The following REPS2 variants were observed in gnomAD, a reference collection of about 807,000 sequenced individuals.
The protein encoded by REPS2 is ralBP1-associated Eps domain-containing protein 2.
REPS2 carries 23 observed loss-of-function variants against 53.6 expected under a neutral mutation model. That is an observed-to-expected ratio of 0.43 (90% CI 0.31 to 0.61). REPS2 has a LOEUF of 0.61. Ranked by LOEUF, REPS2 falls within the 20% of genes least tolerant of loss-of-function variation. The probability of loss-of-function intolerance (pLI) is 0.11; values close to 1 mark genes in which losing one functional copy is unlikely to be tolerated. For missense variants in REPS2, 446 were observed against 534.9 expected (o/e 0.83, Z 1.64); for synonymous variants, 238 against 218.6 (o/e 1.09, Z -0.78).
At chrX:17,035,268 T>A (rs1453578919) in intron 5 of REPS2, among the ~76,000 whole-genome samples, 1 of 107,253 alleles carries the variant, frequency 9.3e-6, no homozygotes, top group African/African-American at 3.4e-5. Context: ...GAGATCTTCT[T>A]GTGGCATGAA....
At chrX:17,193,407 G>A in the REPS2 span, among the ~76,000 whole-genome samples, 2 of 111,596 alleles carry the variant, frequency 1.8e-5, no homozygotes, top group Non-Finnish European at 3.8e-5. Context: ...GATGTGGAAT[G>A]GGAGTGGCAA....
At chrX:17,097,647 T>A (rs921140803) in intron 13 of REPS2, among the ~76,000 whole-genome samples, 1 of 111,901 alleles carries the variant, frequency 8.9e-6, no homozygotes, top group African/African-American at 3.2e-5. Context: ...AAAAGTTGGT[T>A]TTTTGAAAAG....
At chrX:17,033,081 G>C (rs1241478971) in intron 5 of REPS2, among the ~76,000 whole-genome samples, 1 of 112,092 alleles carries the variant, frequency 8.9e-6, no homozygotes, top group Non-Finnish European at 1.9e-5. Context: ...AATTTTGCTG[G>C]CAAAAGATTT....
chrX:17,168,790 C>T, the REPS2 span, among the ~76,000 whole-genome samples: 38,783 of 110,822 alleles, frequency 0.35, 5,929 homozygotes, highest in East Asian at 0.57. Context: ...GTTAGAGGCA[C>T]GTTGTAGAGA....
chrX:17,059,901 CT>C (rs1167807053), intron 8 of REPS2, among the ~76,000 whole-genome samples: 1 of 112,419 alleles, frequency 8.9e-6, no homozygotes, highest in Non-Finnish European at 1.9e-5. Context: ...ACCCGCTAGC[CT>C]TTTGATAGTT....
At chrX:17,011,468 T>G (rs147859763) in intron 2 of REPS2, among the ~76,000 whole-genome samples, 22 of 111,968 alleles carry the variant, frequency 2.0e-4, no homozygotes, top group African/African-American at 7.1e-4. Flanking sequence ...GTAGGGTTTC[T>G]CATCATTTTT....
chrX:17,023,758 C>T (rs941056414), intron 3 of REPS2, among the ~76,000 whole-genome samples: 3 of 111,684 alleles, frequency 2.7e-5, no homozygotes, highest in African/African-American at 6.5e-5. Flanking sequence ...CACTGTCCCA[C>T]GGTGGTTGAT....
intron 5 of REPS2, among the ~76,000 whole-genome samples, chrX:17,034,934 A>G (rs1214438167): frequency 9.0e-6 from 1 of 111,087 alleles, no homozygotes; most frequent in Non-Finnish European, 1.9e-5. Flanking sequence ...CTCGAAGTGC[A>G]TAACTTGAAA....
chrX:17,180,803 T>C, the REPS2 span, among the ~76,000 whole-genome samples: 1 of 111,704 alleles, frequency 9.0e-6, no homozygotes, highest in African/African-American at 3.3e-5. Context: ...GATTCATTAA[T>C]CCTTGACTGT....
intron 14 of REPS2, among the ~76,000 whole-genome samples, chrX:17,121,187 G>A (rs1452769766): frequency 8.9e-6 from 1 of 112,197 alleles, no homozygotes; most frequent in Non-Finnish European, 1.9e-5. Flanking sequence ...CCTTGAAGGA[G>A]AGGAAGAAGA....
intron 1 of REPS2, among the ~76,000 whole-genome samples, chrX:16,974,542 G>C (rs1254367620): frequency 1.8e-5 from 2 of 110,490 alleles, no homozygotes; most frequent in African/African-American, 6.6e-5. Flanking sequence ...CTACTCAGGA[G>C]GCTGAGGCAA....
chrX:17,170,048 A>G, the REPS2 span, among the ~76,000 whole-genome samples: 2 of 112,893 alleles, frequency 1.8e-5, no homozygotes, highest in African/African-American at 6.4e-5. Flanking sequence ...AACAGAGTGG[A>G]CTTTGCATGA....
chrX:17,180,267 A>G, the REPS2 span, among the ~76,000 whole-genome samples: 1 of 111,143 alleles, frequency 9.0e-6, no homozygotes, highest in Admixed American at 9.6e-5. Context: ...AAGTGCAGGA[A>G]AGGAAAAGAA....
the REPS2 span, among the ~76,000 whole-genome samples, chrX:17,187,023 T>C: frequency 9.0e-6 from 1 of 111,668 alleles, no homozygotes. Context: ...TCTCAGACTT[T>C]ACCACTATAC....
At chrX:17,192,180 G>C in the REPS2 span, among the ~76,000 whole-genome samples, 1 of 112,276 alleles carries the variant, frequency 8.9e-6, no homozygotes, top group Admixed American at 9.4e-5. Flanking sequence ...GCCCCCGACC[G>C]CCGATGTGTG....
intron 14 of REPS2, among the ~76,000 whole-genome samples, chrX:17,108,894 A>G (rs1016301528): frequency 3.7e-5 from 4 of 109,347 alleles, no homozygotes; most frequent in African/African-American, 1.3e-4. Context: ...GACCAATGAA[A>G]TTAGTTTTAA....
intron 13 of REPS2, among the ~76,000 whole-genome samples, chrX:17,093,198 AT>A (rs1569172056): frequency 0.014 from 187 of 12,948 alleles, 1 homozygote; most frequent in East Asian, 0.056. Context: ...ATATATATAT[AT>A]AATTTTTTTT....
Position 17,149,972 on chromosome X carries a change from A to G in REPS2, c.*2491A>G, listed in dbSNP as rs2063553892. On this transcript the variant is annotated 3_prime_UTR_variant, in exon 18 of 18. Coordinates refer to ENST00000357277, the MANE Select transcript of REPS2 (RefSeq NM_004726.3). ...AATATTTTAAGATAGGCGAGCACAC[A>G]CTAATAATATCTATGCCTACCTTCT... is the stretch of plus-strand genomic sequence containing the variant. 1.8e-5 allele frequency: 2 copies of G among 111,729 alleles called. No individual in the cohort carries two copies. Among genetic ancestry groups the G allele is most frequent in the Non-Finnish European group, 3.8e-5 (2 of 53,178 alleles). 9.2% of individuals were successfully genotyped at this position (111,729 alleles called of 1,213,427 possible). A position where few individuals can be genotyped will look rare whatever the true frequency, so the allele number is the denominator to read the frequency against.
intron 1 of REPS2, among the ~76,000 whole-genome samples, chrX:16,969,043 C>G (rs1401138260): frequency 2.7e-5 from 3 of 109,756 alleles, no homozygotes; most frequent in Non-Finnish European, 5.7e-5. Context: ...CTCCTCACTT[C>G]TCAGACGGGG....
Sources: gnomAD v4.1 joint callset for allele counts (sites outside exome capture counted in the v4.1 genomes callset) on GRCh38, gnomAD v4.1.1 for gene constraint, MANE v1.5 for transcripts, NCBI Gene and HGNC (gene_info 2026-07-23, HGNC 2026-07-21) for gene names.